Variants in AGBL4 observed in about 807,000 individuals in gnomAD.
AGBL4 encodes cytosolic carboxypeptidase 6.
Under a neutral mutation model 66.4 loss-of-function variants are expected in AGBL4, and 58 were observed. The observed-to-expected ratio is 0.87, with a 90% CI of 0.71 to 1.09. AGBL4 has a LOEUF of 1.09. AGBL4 is among the 50% of genes least tolerant of loss of function. The probability of loss-of-function intolerance (pLI) is 0.00; values close to 1 mark genes in which losing one functional copy is unlikely to be tolerated. For synonymous variants in AGBL4, 234 were observed against 222.9 expected, an observed-to-expected ratio of 1.05 and a Z score of -0.44; for missense variants, 579 against 631.0, an observed-to-expected ratio of 0.92 and a Z score of 0.88.
intron 11 of AGBL4, among the ~76,000 whole-genome samples, chr1:48,576,563 A>T (rs374839420): frequency 2.6e-5 from 4 of 152,182 alleles, no homozygotes; most frequent in East Asian, 1.9e-4. Flanking sequence ...TGGTTTTGGC[A>T]CAGAGTCCTC....
chr1:49,532,362 G>A (rs182572305), intron 3 of AGBL4, among the ~76,000 whole-genome samples: 1 of 152,170 alleles, frequency 6.6e-6, no homozygotes, highest in Non-Finnish European at 1.5e-5. Flanking sequence ...AAAGAGCTGA[G>A]ATTCAAATTC....
intron 3 of AGBL4, among the ~76,000 whole-genome samples, chr1:49,271,515 A>AGC (rs1182177917): frequency 6.1e-4 from 63 of 103,468 alleles, no homozygotes; most frequent in Admixed American, 5.6e-3. Context: ...ATTAAAAGAT[A>AGC]GCACACACAC....
chr1:49,372,619 C>CTTTCTTTCTTTT (rs1553190693), intron 3 of AGBL4, among the ~76,000 whole-genome samples: 18 of 56,964 alleles, frequency 3.2e-4, no homozygotes, highest in African/African-American at 1.4e-3. Context: ...TTCTTTCTTT[C>CTTTCTTTCTTTT]TTTCTTTCTT....
chr1:49,316,957 C>T (rs555539418), intron 3 of AGBL4, among the ~76,000 whole-genome samples: 2 of 151,610 alleles, frequency 1.3e-5, no homozygotes, highest in African/African-American at 4.8e-5. Flanking sequence ...GGATATATTG[C>T]CAAGTGGAAA....
intron 4 of AGBL4, among the ~76,000 whole-genome samples, chr1:49,182,005 G>C (rs1646938027): frequency 6.6e-6 from 1 of 152,186 alleles, no homozygotes; most frequent in Non-Finnish European, 1.5e-5. Flanking sequence ...GTGGTATCTG[G>C]TGGATCTTAG....
intron 4 of AGBL4, among the ~76,000 whole-genome samples, chr1:49,229,027 C>G (rs1296795976): frequency 6.6e-6 from 1 of 152,156 alleles, no homozygotes; most frequent in South Asian, 2.1e-4. Flanking sequence ...TCCAAACACA[C>G]CATGCTGTCT....
intron 5 of AGBL4, among the ~76,000 whole-genome samples, chr1:48,985,106 T>C (rs1660079367): frequency 6.6e-6 from 1 of 151,818 alleles, no homozygotes; most frequent in Non-Finnish European, 1.5e-5. Flanking sequence ...CATGGAAAAA[T>C]GGTTTACAAG....
intron 9 of AGBL4, among the ~76,000 whole-genome samples, chr1:48,611,205 G>C (rs938842466): frequency 1.3e-5 from 2 of 152,244 alleles, no homozygotes; most frequent in Admixed American, 1.3e-4. Flanking sequence ...CAGGCTTGAG[G>C]CTTCCTGGCA....
In AGBL4 at chr1:49,223,157, G is replaced by C. The variant is rs1027272267; in HGVS notation, c.377+22613C>G. On this transcript the variant is annotated intron_variant, in intron 4 of 13. Transcript: ENST00000371839. The stretch of plus-strand genomic sequence containing the variant: ...TACAGAAAAATAAATTTCAGTAAAA[G>C]AGTGAGTTGAATCTCAGAAGGTTTT... 2.6e-5 allele frequency among the ~76,000 whole-genome samples: 4 copies of C among 152,160 alleles called. No individual in the cohort carries two copies. In the South Asian group the frequency reaches 8.3e-4, roughly 32 times the overall value.
At chr1:49,238,586 G>C (rs1375172574) in intron 4 of AGBL4, among the ~76,000 whole-genome samples, 6 of 152,018 alleles carry the variant, frequency 3.9e-5, no homozygotes, top group Admixed American at 3.3e-4. Flanking sequence ...ATTTTTTTCT[G>C]ACACCACCTA....
At chr1:49,136,911 T>C (rs1009668235) in intron 4 of AGBL4, among the ~76,000 whole-genome samples, 5 of 152,132 alleles carry the variant, frequency 3.3e-5, no homozygotes, top group African/African-American at 1.2e-4. Context: ...ATCAGTCCAC[T>C]GTTGAGGTTC....
intron 3 of AGBL4, among the ~76,000 whole-genome samples, chr1:49,310,765 T>C (rs1271033162): frequency 3.9e-5 from 6 of 152,008 alleles, no homozygotes; most frequent in Admixed American, 3.3e-4. Context: ...AGTTAGATTA[T>C]ATTTACTGAA....
chr1:49,277,742 A>C (rs2148398271), intron 3 of AGBL4, among the ~76,000 whole-genome samples: 1 of 151,960 alleles, frequency 6.6e-6, no homozygotes, highest in South Asian at 2.1e-4. Context: ...TAGCTGAAAA[A>C]AAAAAAAAAG....
chr1:48,988,270 A>G (rs1334702659), intron 5 of AGBL4, among the ~76,000 whole-genome samples: 4 of 152,190 alleles, frequency 2.6e-5, no homozygotes, highest in Non-Finnish European at 4.4e-5. Flanking sequence ...GTAATGTAAC[A>G]AAATTGTGCC....
At chr1:49,928,343 C>T (rs1177692525) in intron 1 of AGBL4, among the ~76,000 whole-genome samples, 3 of 152,042 alleles carry the variant, frequency 2.0e-5, no homozygotes, top group African/African-American at 4.8e-5. Context: ...CTCTGCCACC[C>T]GGGTTCAAGC....
chr1:48,622,244 A>G (rs77261880), intron 9 of AGBL4, among the ~76,000 whole-genome samples: 1,661 of 152,268 alleles, frequency 0.011, 34 homozygotes, highest in African/African-American at 0.038. Context: ...TTTGTCTAAA[A>G]AAATCCTACC....
At chr1:49,216,451 C>A (rs1649097396) in intron 4 of AGBL4, among the ~76,000 whole-genome samples, 2 of 152,100 alleles carry the variant, frequency 1.3e-5, no homozygotes, top group South Asian at 4.1e-4. Flanking sequence ...CTGTTGCCAT[C>A]TTTATGTCCA....
intron 4 of AGBL4, among the ~76,000 whole-genome samples, chr1:49,098,060 G>A (rs1645138257): frequency 6.6e-6 from 1 of 152,232 alleles, no homozygotes; most frequent in South Asian, 2.1e-4. Context: ...GCAGTGGAAT[G>A]ACCATGGATC....
chr1:48,932,989 C>T (rs1409751788), intron 5 of AGBL4, among the ~76,000 whole-genome samples: 5 of 151,970 alleles, frequency 3.3e-5, no homozygotes, highest in Non-Finnish European at 7.4e-5. Context: ...TTTTTTTCCT[C>T]TTTACTATTT....
Sources: gnomAD v4.1 joint callset for allele counts (sites outside exome capture counted in the v4.1 genomes callset) on GRCh38, gnomAD v4.1.1 for gene constraint, MANE v1.5 for transcripts, NCBI Gene and HGNC (gene_info 2026-07-23, HGNC 2026-07-21) for gene names.